Variants in TTC7B observed in about 807,000 individuals in gnomAD.
TTC7B encodes the protein tetratricopeptide repeat protein 7B.
A neutral mutation model predicts 106.8 loss-of-function variants in TTC7B; 28 were observed. The ratio of observed to expected loss-of-function variants is 0.26; its 90% CI spans 0.19 to 0.36. The LOEUF (loss-of-function observed/expected upper bound fraction) is 0.36. TTC7B is among the 10% of genes least tolerant of loss of function. The probability of loss-of-function intolerance (pLI) is 1.00; values close to 1 mark genes in which losing one functional copy is unlikely to be tolerated. For synonymous variants in TTC7B, 405 were observed against 430.6 expected, an observed-to-expected ratio of 0.94 and a Z score of 0.74; for missense variants, 862 against 1,076.4, an observed-to-expected ratio of 0.80 and a Z score of 2.79.
intron 17 of TTC7B, chr14:90,603,262 A>T (rs1892506509): frequency 1.6e-6 from 2 of 1,289,838 alleles, no homozygotes; most frequent in African/African-American, 3.0e-5. Context: ...CTAACTGAAA[A>T]AAGGGAAGGA....
At chr14:90,542,704 G>A (rs1889656593) in intron 19 of TTC7B, among the ~76,000 whole-genome samples, 1 of 115,458 alleles carries the variant, frequency 8.7e-6, no homozygotes, top group African/African-American at 3.3e-5. Context: ...CACAGTCTAT[G>A]TATAAACAGA....
intron 19 of TTC7B, among the ~76,000 whole-genome samples, chr14:90,565,705 T>C (rs1364808098): frequency 6.6e-6 from 1 of 152,096 alleles, no homozygotes; most frequent in Non-Finnish European, 1.5e-5. Flanking sequence ...TGGCCAATCC[T>C]TTCTAGCTTT....
chr14:90,702,184 T>C (rs1039298972), intron 5 of TTC7B, among the ~76,000 whole-genome samples: 3 of 152,232 alleles, frequency 2.0e-5, no homozygotes, highest in Non-Finnish European at 4.4e-5. Context: ...CAAGTGCCTG[T>C]GCCACAGTTT....
intron 9 of TTC7B, among the ~76,000 whole-genome samples, chr14:90,661,068 T>C (rs1297297215): frequency 6.6e-6 from 1 of 152,138 alleles, no homozygotes; most frequent in East Asian, 1.9e-4. Flanking sequence ...CCCTGCCCCT[T>C]CACAGCCGGA....
At chr14:90,803,810 TCACACA>T (rs55829726) in intron 1 of TTC7B, among the ~76,000 whole-genome samples, 7,915 of 150,056 alleles carry the variant, frequency 0.053, 379 homozygotes, top group African/African-American at 0.13. Flanking sequence ...AGTACGCTGG[TCACACA>T]CACACACACA....
intron 5 of TTC7B, among the ~76,000 whole-genome samples, chr14:90,701,318 A>G (rs1408772469): frequency 6.6e-6 from 1 of 152,224 alleles, no homozygotes; most frequent in Non-Finnish European, 1.5e-5. Context: ...ACATTTGGTC[A>G]GCCGGCCAGG....
At chr14:90,692,253 G>C (rs1455960017) in intron 6 of TTC7B, among the ~76,000 whole-genome samples, 5 of 152,106 alleles carry the variant, frequency 3.3e-5, no homozygotes, top group Admixed American at 2.0e-4. Context: ...TGTCACCCAG[G>C]CTGGAGTGCA....
At position 90,676,511 on chromosome 14, in the gene TTC7B, C is replaced by T; in HGVS notation, c.1152+12G>A. 1 of 1,613,062 alleles carries T rather than the reference C, an allele frequency of 6.2e-7. No homozygotes were observed. On this transcript the variant is annotated intron_variant, in intron 9 of 19. Coordinates refer to ENST00000328459, the MANE Select transcript of TTC7B (RefSeq NM_001010854.2). ...CCACCACCTGGATGTCAACCAGACT[C>T]AGCAGCTGTACCTCTGACAGCATCT... is the stretch of plus-strand genomic sequence containing the variant.
At chr14:90,699,892 G>A (rs1378723685) in intron 5 of TTC7B, among the ~76,000 whole-genome samples, 1 of 152,182 alleles carries the variant, frequency 6.6e-6, no homozygotes, top group Non-Finnish European at 1.5e-5. Flanking sequence ...AAAAATGTAA[G>A]TGCCTCCAAG....
intron 3 of TTC7B, among the ~76,000 whole-genome samples, chr14:90,775,016 C>T (rs1292040642): frequency 6.6e-6 from 1 of 151,320 alleles, no homozygotes; most frequent in Non-Finnish European, 1.5e-5. Flanking sequence ...GCACTCCAGC[C>T]TGGGCAACAA....
chr14:90,804,732 C>T (rs1405070226), intron 1 of TTC7B, among the ~76,000 whole-genome samples: 2 of 152,196 alleles, frequency 1.3e-5, no homozygotes, highest in African/African-American at 4.8e-5. Context: ...GGCACCTGGT[C>T]GACTGGACAC....
At chr14:90,658,466 T>C (rs546303661) in intron 9 of TTC7B, 79 bp from the exon 10 acceptor site, 1 of 1,323,050 alleles carries the variant, frequency 7.6e-7, no homozygotes, top group South Asian at 1.2e-5. Context: ...TTTGTATCTA[T>C]GCACACTAAG....
Position 90,637,293 on chromosome 14 carries a change from T to TA in TTC7B, c.1751+6754dup, listed in dbSNP as rs1243798365. ...GAAATGGACAAATCCTTACATATAATATAATTACAGCTTATACATTATACA... is the reference window on the plus strand; with the variant it reads ...GAAATGGACAAATCCTTACATATAATAATAATTACAGCTTATACATTATACA... On this transcript the variant is annotated intron_variant, in intron 15 of 19. Transcript: ENST00000328459. 1.7e-4 allele frequency among the ~76,000 whole-genome samples: 26 copies of TA among 152,094 alleles called. 1 individual carries two copies. The Middle Eastern group carries it at 0.01, about 60-fold the overall frequency.
chr14:90,679,689 C>T (rs1321661805), intron 8 of TTC7B, among the ~76,000 whole-genome samples: 1 of 152,218 alleles, frequency 6.6e-6, no homozygotes, highest in Non-Finnish European at 1.5e-5. Flanking sequence ...TGCTCAGGTG[C>T]TCAGTATACA....
intron 5 of TTC7B, among the ~76,000 whole-genome samples, chr14:90,719,094 CT>C (rs1398745036): frequency 3.9e-5 from 6 of 151,908 alleles, no homozygotes; most frequent in Non-Finnish European, 7.4e-5. Flanking sequence ...AACCCCGTCG[CT>C]ACAAACAAAC....
intron 18 of TTC7B, among the ~76,000 whole-genome samples, chr14:90,588,886 TAAAAA>T (rs572763059): frequency 1.2e-4 from 10 of 81,732 alleles, no homozygotes; most frequent in South Asian, 4.2e-4. Context: ...AAACAAAAAC[TAAAAA>T]AAAAAAAAAA....
intron 9 of TTC7B, chr14:90,676,217 A>G (rs113926554): frequency 0.048 from 11,243 of 236,672 alleles, 332 homozygotes; most frequent in Non-Finnish European, 0.061. Context: ...AATATCACAG[A>G]TGGGAGATTT....
chr14:90,751,005 TC>T (rs1890117863), intron 3 of TTC7B, among the ~76,000 whole-genome samples: 1 of 152,206 alleles, frequency 6.6e-6, no homozygotes, highest in Admixed American at 6.5e-5. Context: ...ACAAAATTGG[TC>T]CCCATTAAAA....
intron 1 of TTC7B, among the ~76,000 whole-genome samples, chr14:90,812,929 T>C (rs2030979070): frequency 6.6e-6 from 1 of 152,144 alleles, no homozygotes; most frequent in Non-Finnish European, 1.5e-5. Context: ...GCTGCCACGC[T>C]TCCTTCCCGT....
Sources: allele counts gnomAD v4.1 joint callset (sites outside exome capture counted in the v4.1 genomes callset), GRCh38; gene constraint gnomAD v4.1.1; transcripts MANE v1.5; gene names NCBI Gene and HGNC (gene_info 2026-07-23, HGNC 2026-07-21).